The following SSH1 variants were observed in gnomAD, a reference collection of about 807,000 sequenced individuals.
The protein encoded by SSH1 is protein phosphatase Slingshot homolog 1.
Under a neutral mutation model 79.7 loss-of-function variants are expected in SSH1, and 43 were observed. The ratio of observed to expected loss-of-function variants is 0.54; its 90% CI spans 0.42 to 0.70. The LOEUF (loss-of-function observed/expected upper bound fraction) is 0.70. Among genes scored for constraint, SSH1 ranks in the 30% least tolerant of loss-of-function variants. The probability of loss-of-function intolerance (pLI) is 0.00; values close to 1 mark genes in which losing one functional copy is unlikely to be tolerated. For synonymous variants in SSH1, 599 were observed against 538.3 expected (o/e 1.11, Z -1.56); for missense variants, 1,206 against 1,358.8 (o/e 0.89, Z 1.77).
Position 108,846,777 on chromosome 12 carries a change from C to T in SSH1, c.110+5861G>A, listed in dbSNP as rs141572207. 3.2e-4 allele frequency among the ~76,000 whole-genome samples: 49 copies of T among 152,346 alleles called. 1 individual carries two copies. In the East Asian group the frequency reaches 8.9e-3, roughly 28 times the overall value. On this transcript the variant is annotated intron_variant, in intron 2 of 14. Coordinates refer to ENST00000326495, the MANE Select transcript of SSH1 (RefSeq NM_018984.4). ...GTGGGCGCCCTCTCAGGCCTGGACC[C>T]AGCACCTGCAGGAGTCGGCCCCTTT... is the stretch of plus-strand genomic sequence containing the variant.
At position 108,792,836 on chromosome 12, in the gene SSH1, GGA is replaced by G. The variant is rs759221214; in HGVS notation, c.1350-9_1350-8del. The G allele has an allele frequency of 2.4e-5, 38 of 1,613,152 alleles. No individual in the cohort carries two copies. In the East Asian group the frequency reaches 7.8e-4, roughly 33 times the overall value. On this transcript the variant is annotated splice_region_variant and splice_polypyrimidine_tract_variant and intron_variant, in intron 13 of 14. Coordinates refer to ENST00000326495, the MANE Select transcript of SSH1 (RefSeq NM_018984.4). The stretch of plus-strand genomic sequence containing the variant: ...CTTGTTGTGCCGCTGTTTGCTGCGG[GGA>G]GAGAGGGTAGAGGAAGGTGAGGGGA...
At chr12:108,791,189 A>G (rs1342499549) in intron 14 of SSH1, among the ~76,000 whole-genome samples, 1 of 152,200 alleles carries the variant, frequency 6.6e-6, no homozygotes, top group African/African-American at 2.4e-5. Flanking sequence ...GACTCACTGC[A>G]ACCTCTGCCT....
chr12:108,788,573 G>T lies in SSH1; in HGVS notation c.2565C>A (p.Ile855=). The T allele has an allele frequency of 5.0e-6, 8 of 1,599,312 alleles. No individual in the cohort carries two copies. The highest frequency in any genetic ancestry group is 6.8e-6 in the Non-Finnish European group (8 of 1,170,920). ...CGGCTGGATCCTGGCTCTCCTCGGGGATGCTGGCCTCCAGCCTGCTGGCAG... is the reference window on the plus strand; with the variant it reads ...CGGCTGGATCCTGGCTCTCCTCGGGTATGCTGGCCTCCAGCCTGCTGGCAG... The part of the protein sequence containing the change: ...DGPASRLEAS[I]PEESQDPAAL... Residue 855 remains isoleucine (I), a synonymous_variant, in exon 15 of 15, where the codon ATC becomes ATA. Transcript: ENST00000326495.
chr12:108,814,022 G>C (rs1416180340), intron 5 of SSH1, among the ~76,000 whole-genome samples: 1 of 152,020 alleles, frequency 6.6e-6, no homozygotes, highest in African/African-American at 2.4e-5. Context: ...TCAGTAGTTC[G>C]AGACCAGCCT....
At chr12:108,815,983 G>A (rs1230379447) in intron 5 of SSH1, among the ~76,000 whole-genome samples, 3 of 152,178 alleles carry the variant, frequency 2.0e-5, no homozygotes, top group African/African-American at 7.2e-5. Flanking sequence ...GACACTCACG[G>A]CCTCCCTGAC....
At chr12:108,856,173 T>C (rs2039139233) in intron 1 of SSH1, among the ~76,000 whole-genome samples, 1 of 152,196 alleles carries the variant, frequency 6.6e-6, no homozygotes, top group Non-Finnish European at 1.5e-5. Flanking sequence ...AGGCGGACAC[T>C]CAGCCTTGTT....
At chr12:108,852,616 C>G (rs2039065337) in intron 2 of SSH1, 22 bp downstream of exon 2, 2 of 1,613,752 alleles carry the variant, frequency 1.2e-6, no homozygotes, top group Non-Finnish European at 1.7e-6. Context: ...GACTTAGGAA[C>G]AAGAATTGAA....
chr12:108,837,945 G>A (rs1415085228), intron 2 of SSH1, among the ~76,000 whole-genome samples: 1 of 152,000 alleles, frequency 6.6e-6, no homozygotes, highest in Non-Finnish European at 1.5e-5. Flanking sequence ...GCCACCCCCA[G>A]CTAATTTTTT....
chr12:108,843,476 G>A (rs758155560), intron 2 of SSH1, among the ~76,000 whole-genome samples: 6 of 151,986 alleles, frequency 3.9e-5, no homozygotes, highest in African/African-American at 1.2e-4. Flanking sequence ...GAGGGGCCCC[G>A]TGCTTGGTTT....
intron 1 of SSH1, chr12:108,853,007 G>A: frequency 5.1e-6 from 5 of 985,332 alleles, no homozygotes; most frequent in Non-Finnish European, 6.0e-6. Flanking sequence ...AGGTTGTTCT[G>A]GACCTTATCC....
intron 1 of SSH1, chr12:108,852,995 C>T (rs1336333548): frequency 6.1e-6 from 6 of 985,254 alleles, no homozygotes; most frequent in African/African-American, 5.2e-5. Flanking sequence ...CTCAACTTTC[C>T]GAGGTTGTTC....
intron 13 of SSH1, among the ~76,000 whole-genome samples, chr12:108,797,709 G>A (rs559558825): frequency 1.2e-4 from 18 of 152,244 alleles, no homozygotes; most frequent in Non-Finnish European, 2.4e-4. Flanking sequence ...AGGGGAGAGC[G>A]ACCTTCCCTT....
chr12:108,854,237 G>T (rs1467065851), intron 1 of SSH1, among the ~76,000 whole-genome samples: 1 of 152,202 alleles, frequency 6.6e-6, no homozygotes, highest in Non-Finnish European at 1.5e-5. Flanking sequence ...CAACACACAG[G>T]ATGGTCCCCC....
At position 108,792,666 on chromosome 12, in the gene SSH1, G is replaced by C. The variant is rs755960464; in HGVS notation, c.1513C>G (p.Pro505Ala). The change falls in exon 14 of 15, where the codon CCC (proline) becomes GCC (alanine). Residue 505 changes from proline (P) to alanine (A), a missense_variant. By Grantham distance (27) the Pro-to-Ala change is conservative. Around this residue, in one of 5 missense-constraint regions of SSH1, gnomAD observed 709 missense variants for 730.6 expected, o/e 0.97. Transcript: ENST00000326495. ...CGCCGGAAACAGCAGGGGAGGGGGGGCCCTAAGCCGGGCTGGGCGGCATCA... is the reference window on the plus strand; with the variant it reads ...CGCCGGAAACAGCAGGGGAGGGGGGCCCCTAAGCCGGGCTGGGCGGCATCA... ...LDDAAQPGLG[P>A]PLPCCFRRLS... The C allele has an allele frequency of 6.2e-7, 1 of 1,611,888 alleles. No homozygotes were observed. Among genetic ancestry groups the C allele is most frequent in the African/African-American group, 1.3e-5 (1 of 75,062 alleles).
chr12:108,792,553 C>T lies in SSH1; in HGVS notation c.1626G>A (p.Glu542=), dbSNP rs752729381. ...LEDPEREALL[E]EAAPPAEVHR... is the part of the protein sequence containing the mutation. ...GCACCTCTGCAGGTGGAGCAGCTTC[C>T]TCCAACAGAGCCTCCCTCTCCGGAT... is the stretch of plus-strand genomic sequence containing the variant. Residue 542 remains glutamate, a synonymous_variant, in exon 14 of 15, where the codon GAG becomes GAA. Coordinates refer to ENST00000326495, the MANE Select transcript of SSH1 (RefSeq NM_018984.4). The T allele has an allele frequency of 2.5e-6, 4 of 1,614,130 alleles. No individual in the cohort carries two copies. Among genetic ancestry groups the T allele is most frequent in the Non-Finnish European group, 3.4e-6 (4 of 1,180,010 alleles).
chr12:108,819,588 G>A (rs2038038595), intron 3 of SSH1, among the ~76,000 whole-genome samples: 1 of 152,130 alleles, frequency 6.6e-6, no homozygotes, highest in Non-Finnish European at 1.5e-5. Context: ...CAGTGCTTTG[G>A]GAGGCCGAGG....
intron 2 of SSH1, chr12:108,827,433 C>T: frequency 1.2e-5 from 16 of 1,331,640 alleles, no homozygotes; most frequent in Non-Finnish European, 1.5e-5. Context: ...CAGGAAAAGC[C>T]AGGAGGCTGC....
intron 2 of SSH1, among the ~76,000 whole-genome samples, chr12:108,839,513 A>G (rs73410926): frequency 0.055 from 8,314 of 152,170 alleles, 755 homozygotes; most frequent in African/African-American, 0.19. Context: ...TGGGGCCCAG[A>G]TTTGGGGAAA....
At chr12:108,806,778 G>A (rs1392734886) in intron 8 of SSH1, among the ~76,000 whole-genome samples, 5 of 152,240 alleles carry the variant, frequency 3.3e-5, no homozygotes, top group Non-Finnish European at 7.3e-5. Flanking sequence ...AGCTGCAGCA[G>A]ATCCCATTAT....
Sources: gnomAD v4.1 joint callset for allele counts (sites outside exome capture counted in the v4.1 genomes callset) on GRCh38, gnomAD v4.1.1 for gene constraint, gnomAD v4.1.1 regional missense constraint, MANE v1.5 for transcripts, NCBI Gene and HGNC (gene_info 2026-07-23, HGNC 2026-07-21) for gene names.